TRPM3: variants seen among roughly 807,000 people sequenced by gnomAD.
TRPM3 encodes the protein long transient receptor potential channel 3.
In TRPM3, 77 loss-of-function variants were observed where a neutral mutation model predicts 181.2. That is an observed-to-expected ratio of 0.42 (90% CI 0.35 to 0.51). The LOEUF (loss-of-function observed/expected upper bound fraction) is 0.51. Ranked by LOEUF, TRPM3 falls within the 20% of genes least tolerant of loss-of-function variation. The pLI is 0.01. For synonymous variants in TRPM3, 745 were observed against 796.4 expected, an observed-to-expected ratio of 0.94 and a Z score of 1.09; for missense variants, 1,759 against 2,196.7, an observed-to-expected ratio of 0.80 and a Z score of 3.98.
At chr9:70,628,985 G>A (rs1269863447) in intron 12 of TRPM3, among the ~76,000 whole-genome samples, 1 of 151,782 alleles carries the variant, frequency 6.6e-6, no homozygotes, top group East Asian at 1.9e-4. Context: ...TGCTTTCAAG[G>A]TGTCTTTGGG....
intron 8 of TRPM3, among the ~76,000 whole-genome samples, chr9:70,696,175 A>AG (rs2070356540): frequency 6.6e-6 from 1 of 152,210 alleles, no homozygotes; most frequent in Non-Finnish European, 1.5e-5. Context: ...TGGGCACCCA[A>AG]TGAATGTTTG....
intron 1 of TRPM3, among the ~76,000 whole-genome samples, chr9:71,333,600 C>T (rs568866037): frequency 1.3e-5 from 2 of 152,000 alleles, no homozygotes; most frequent in East Asian, 1.9e-4. Flanking sequence ...CTCTAAGGAA[C>T]GGAATTCCTC....
At chr9:71,171,080 T>G (rs948508081) in intron 1 of TRPM3, among the ~76,000 whole-genome samples, 2 of 152,046 alleles carry the variant, frequency 1.3e-5, no homozygotes, top group African/African-American at 4.8e-5. Flanking sequence ...AGAGGTGAAA[T>G]AGACTCCAGT....
chr9:70,570,332 G>A (rs918320426), intron 22 of TRPM3, among the ~76,000 whole-genome samples: 1 of 103,794 alleles, frequency 9.6e-6, no homozygotes, highest in African/African-American at 3.5e-5. Context: ...TTTTTGAGAC[G>A]GATTCTCGCT....
intron 18 of TRPM3, among the ~76,000 whole-genome samples, chr9:70,613,698 G>A (rs1027684457): frequency 6.6e-6 from 1 of 152,210 alleles, no homozygotes; most frequent in Admixed American, 6.5e-5. Flanking sequence ...TGGAGAAGAA[G>A]CTTGGGCAGC....
chr9:70,965,151 C>A lies in TRPM3; in HGVS notation c.178-100640G>T, dbSNP rs2097173368. Among the ~76,000 whole-genome samples, 3 of 151,822 alleles carry A rather than the reference C, an allele frequency of 2.0e-5. No individual in the cohort carries two copies. The South Asian group carries it at 6.2e-4, about 31-fold the overall frequency. On this transcript the variant is annotated intron_variant, in intron 1 of 25. Coordinates refer to ENST00000677713, the MANE Select transcript of TRPM3 (RefSeq NM_001366145.2). ...ATTTTTTTTAAATTCACAGTAAAAG[C>A]AACTCATGGGCATTTTCCTTTGGCA...
chr9:70,784,030 A>T (rs1292027852), intron 7 of TRPM3, 75 bp downstream of exon 7: 1 of 1,524,176 alleles, frequency 6.6e-7, no homozygotes, highest in East Asian at 2.3e-5. Flanking sequence ...TGAGCTACTG[A>T]AAACATAATC....
chr9:71,206,438 G>GT (rs201384136), intron 1 of TRPM3, among the ~76,000 whole-genome samples: 1,786 of 150,646 alleles, frequency 0.012, 31 homozygotes, highest in African/African-American at 0.04. Context: ...TTTTTGATGG[G>GT]TTTTTTTTTC....
chr9:70,581,591 T>A (rs893231241), intron 22 of TRPM3, among the ~76,000 whole-genome samples: 1 of 152,224 alleles, frequency 6.6e-6, no homozygotes, highest in South Asian at 2.1e-4. Flanking sequence ...TATTTGTTGG[T>A]TGCTGTTAAT....
chr9:71,335,907 G>A (rs1291082851), intron 1 of TRPM3, among the ~76,000 whole-genome samples: 2 of 152,104 alleles, frequency 1.3e-5, no homozygotes, highest in African/African-American at 2.4e-5. Flanking sequence ...GCAGCAGAGA[G>A]ATTTGCCAAA....
chr9:71,017,723 A>G (rs1427963009), intron 1 of TRPM3, among the ~76,000 whole-genome samples: 1 of 151,842 alleles, frequency 6.6e-6, no homozygotes, highest in Non-Finnish European at 1.5e-5. Context: ...CCAATAAAAG[A>G]TAGAAATTCC....
intron 1 of TRPM3, among the ~76,000 whole-genome samples, chr9:70,869,335 C>CT (rs141471537): frequency 2.0e-3 from 297 of 151,622 alleles, no homozygotes; most frequent in African/African-American, 6.9e-3. Context: ...TCCTAACAGG[C>CT]TCCCCCGCCC....
intron 1 of TRPM3, among the ~76,000 whole-genome samples, chr9:71,112,840 C>G (rs1291883763): frequency 6.6e-6 from 1 of 152,178 alleles, no homozygotes; most frequent in African/African-American, 2.4e-5. Context: ...AGAAATTTTT[C>G]TGAACTCATC....
chr9:71,030,144 T>C (rs1481440425), intron 1 of TRPM3, among the ~76,000 whole-genome samples: 1 of 152,254 alleles, frequency 6.6e-6, no homozygotes, highest in Admixed American at 6.5e-5. Context: ...CATTTCTTAC[T>C]TTTGCTTATA....
chr9:71,038,364 T>A (rs950221897), intron 1 of TRPM3, among the ~76,000 whole-genome samples: 1 of 152,190 alleles, frequency 6.6e-6, no homozygotes, highest in African/African-American at 2.4e-5. Context: ...AAAATGTAAA[T>A]GCAAGGGCTA....
At chr9:70,803,683 C>T (rs946124551) in intron 6 of TRPM3, among the ~76,000 whole-genome samples, 19 of 151,922 alleles carry the variant, frequency 1.3e-4, no homozygotes, top group Admixed American at 6.6e-4. Context: ...ATCTCCTGAC[C>T]TCGTGATCAG....
chr9:71,177,232 AG>A (rs1179715229), intron 1 of TRPM3, among the ~76,000 whole-genome samples: 2 of 152,140 alleles, frequency 1.3e-5, no homozygotes, highest in Non-Finnish European at 2.9e-5. Flanking sequence ...AAACAAGCTC[AG>A]GGCTCCTACT....
intron 1 of TRPM3, among the ~76,000 whole-genome samples, chr9:71,331,108 A>C (rs1243777907): frequency 1.3e-5 from 2 of 151,944 alleles, no homozygotes; most frequent in African/African-American, 4.8e-5. Flanking sequence ...GATCTTAAAG[A>C]ATATTAGTAA....
rs2066112884 is a variant in TRPM3, at chr9:71,090,988, T to A, written c.177+30190A>T. 2.6e-5 allele frequency among the ~76,000 whole-genome samples: 4 copies of A among 152,084 alleles called. No homozygotes were observed. The South Asian group carries it at 8.3e-4, about 32-fold the overall frequency. ...CCACAGTAGGACATTTTTCAACTCCTCCCCCACCATTTATTTTTAACAGGC... is the reference window on the plus strand; with the variant it reads ...CCACAGTAGGACATTTTTCAACTCCACCCCCACCATTTATTTTTAACAGGC... On this transcript the variant is annotated intron_variant, in intron 1 of 25. Transcript: ENST00000677713.
Sources: allele counts gnomAD v4.1 joint callset (sites outside exome capture counted in the v4.1 genomes callset), GRCh38; gene constraint gnomAD v4.1.1; transcripts MANE v1.5; gene names NCBI Gene and HGNC (gene_info 2026-07-23, HGNC 2026-07-21).